Variants in ENTREP2 observed in about 807,000 individuals in gnomAD.
ENTREP2 encodes protein ENTREP2.
chr15:29,442,853 A>G, the ENTREP2 span, among the ~76,000 whole-genome samples: 5 of 152,154 alleles, frequency 3.3e-5, no homozygotes, highest in African/African-American at 7.2e-5. Context: ...ACCCTCCCCA[A>G]TTAAAACCAC....
chr15:29,530,077 T>C, the ENTREP2 span, among the ~76,000 whole-genome samples: 1 of 152,072 alleles, frequency 6.6e-6, no homozygotes, highest in Non-Finnish European at 1.5e-5. Context: ...AAGTCTTGGT[T>C]GGGGTGGTCT....
chr15:29,537,847 C>T, the ENTREP2 span, among the ~76,000 whole-genome samples: 1 of 152,114 alleles, frequency 6.6e-6, no homozygotes, highest in Non-Finnish European at 1.5e-5. Flanking sequence ...CACTGCACTC[C>T]GCTGGCCTCC....
At chr15:29,630,010 G>A in the ENTREP2 span, among the ~76,000 whole-genome samples, 2 of 152,112 alleles carry the variant, frequency 1.3e-5, no homozygotes, top group East Asian at 1.9e-4. Context: ...CCAGCTACTC[G>A]GGAGGCTGAG....
At chr15:29,166,857 A>G in the ENTREP2 span, among the ~76,000 whole-genome samples, 2 of 152,158 alleles carry the variant, frequency 1.3e-5, no homozygotes. Context: ...GAGCCCACAT[A>G]GCCAAAGCAA....
At chr15:29,466,293 G>A in the ENTREP2 span, among the ~76,000 whole-genome samples, 3 of 152,214 alleles carry the variant, frequency 2.0e-5, no homozygotes, top group South Asian at 6.2e-4. Context: ...TTCTGTCATG[G>A]TCACTCTGGC....
chr15:29,375,736 G>C, the ENTREP2 span: 4 of 152,152 alleles, frequency 2.6e-5, no homozygotes, highest in African/African-American at 9.7e-5. Flanking sequence ...AAGATGATGA[G>C]ACCCCAGGGT....
the ENTREP2 span, among the ~76,000 whole-genome samples, chr15:29,491,001 C>A: frequency 6.6e-6 from 1 of 152,186 alleles, no homozygotes; most frequent in Non-Finnish European, 1.5e-5. Context: ...TGGCGGGCTG[C>A]AGATCCCCAG....
the ENTREP2 span, among the ~76,000 whole-genome samples, chr15:29,124,377 G>A: frequency 6.6e-6 from 1 of 152,226 alleles, no homozygotes; most frequent in Admixed American, 6.5e-5. Context: ...TTGTTTGGTG[G>A]CAACTGGAAA....
chr15:29,215,929 G>A, the ENTREP2 span, among the ~76,000 whole-genome samples: 1 of 152,136 alleles, frequency 6.6e-6, no homozygotes, highest in African/African-American at 2.4e-5. Flanking sequence ...TTTAAGGGGA[G>A]CATTTAGGCT....
At chr15:29,273,488 G>A in the ENTREP2 span, among the ~76,000 whole-genome samples, 4 of 152,084 alleles carry the variant, frequency 2.6e-5, no homozygotes. Context: ...GTGAGCCACC[G>A]CTCCTGGCGT....
At chr15:29,201,357 TGATCTTAGGG>T in the ENTREP2 span, among the ~76,000 whole-genome samples, 1 of 152,262 alleles carries the variant, frequency 6.6e-6, no homozygotes, top group Non-Finnish European at 1.5e-5. Flanking sequence ...GCCTTGTTCC[TGATCTTAGGG>T]GAAAAGCATT....
the ENTREP2 span, among the ~76,000 whole-genome samples, chr15:29,459,353 G>A: frequency 6.6e-6 from 1 of 152,146 alleles, no homozygotes; most frequent in Non-Finnish European, 1.5e-5. Flanking sequence ...TTTCCTGGGA[G>A]GGTACATTTC....
the ENTREP2 span, among the ~76,000 whole-genome samples, chr15:29,651,915 G>A: frequency 6.6e-6 from 1 of 152,308 alleles, no homozygotes; most frequent in African/African-American, 2.4e-5. Context: ...GCAGGGGGTG[G>A]GTCCCCAGTG....
At chr15:29,449,645 T>A in the ENTREP2 span, among the ~76,000 whole-genome samples, 1 of 152,120 alleles carries the variant, frequency 6.6e-6, no homozygotes, top group Non-Finnish European at 1.5e-5. Flanking sequence ...AACTTTAATA[T>A]TAAAGAAGAA....
chr15:29,197,664 G>T, the ENTREP2 span, among the ~76,000 whole-genome samples: 1 of 151,876 alleles, frequency 6.6e-6, no homozygotes, highest in East Asian at 1.9e-4. Flanking sequence ...TACTCAAGAG[G>T]CTGAGGCAGG....
the ENTREP2 span, among the ~76,000 whole-genome samples, chr15:29,556,836 T>C: frequency 6.8e-6 from 1 of 146,242 alleles, no homozygotes; most frequent in Non-Finnish European, 1.5e-5. Flanking sequence ...CAACTCCGGC[T>C]CTCATCACCC....
At chr15:29,371,349 A>AACACACACACACACACACACACACAC in the ENTREP2 span, among the ~76,000 whole-genome samples, 2 of 133,892 alleles carry the variant, frequency 1.5e-5, no homozygotes, top group East Asian at 2.3e-4. Flanking sequence ...CACCCCCGCA[A>AACACACACACACACACACACACACAC]ACACACACAC....
the ENTREP2 span, among the ~76,000 whole-genome samples, chr15:29,366,792 T>A: frequency 8.5e-4 from 129 of 152,320 alleles, no homozygotes; most frequent in African/African-American, 2.8e-3. Flanking sequence ...TAGAAAACTA[T>A]TCAGCAAAAG....
chr15:29,629,511 G>A, the ENTREP2 span, among the ~76,000 whole-genome samples: 2 of 152,084 alleles, frequency 1.3e-5, no homozygotes, highest in African/African-American at 4.8e-5. Flanking sequence ...AATATATGAA[G>A]CATATCGCAG....
Sources: gnomAD v4.1 joint callset for allele counts (sites outside exome capture counted in the v4.1 genomes callset) on GRCh38, gnomAD v4.1.1 for gene constraint, MANE v1.5 for transcripts, NCBI Gene and HGNC (gene_info 2026-07-23, HGNC 2026-07-21) for gene names.